The following ADAMTSL1 variants were observed in gnomAD, a reference collection of about 807,000 sequenced individuals.
ADAMTSL1 encodes ADAMTS-like protein 1.
In ADAMTSL1, 126 loss-of-function variants were observed where a neutral mutation model predicts 201.8. That is an observed-to-expected ratio of 0.62 (90% CI 0.54 to 0.72). The LOEUF is 0.72. ADAMTSL1 is among the 30% of genes least tolerant of loss of function. The probability of loss-of-function intolerance (pLI) is 0.00; values close to 1 mark genes in which losing one functional copy is unlikely to be tolerated. For synonymous variants in ADAMTSL1, 1,121 were observed against 903.4 expected, an observed-to-expected ratio of 1.24 and a Z score of -4.32; for missense variants, 2,679 against 2,277.8, an observed-to-expected ratio of 1.18 and a Z score of -3.59.
At position 18,830,104 on chromosome 9, in the gene ADAMTSL1, C is replaced by A. The variant is rs1057429269; in HGVS notation, c.4249+127C>A. ...GGCCAACAGGGAATCACTAAATTGCCTACAGAATCCAGACTCACCAGTGGA... is the reference window on the plus strand; with the variant it reads ...GGCCAACAGGGAATCACTAAATTGCATACAGAATCCAGACTCACCAGTGGA... On this transcript the variant is annotated intron_variant, in intron 23 of 28. Transcript: ENST00000380548. 5 of 1,281,440 alleles carry A rather than the reference C, an allele frequency of 3.9e-6. No homozygotes were observed. In the African/African-American group the frequency reaches 7.4e-5, roughly 19 times the overall value. The allele number at this position is 1,281,440 out of a possible 1,614,324, so 79.4% of individuals were successfully genotyped here. A position where few individuals can be genotyped will look rare whatever the true frequency, so the allele number is the denominator to read the frequency against.
intron 3 of ADAMTSL1, among the ~76,000 whole-genome samples, chr9:18,539,725 T>C (rs1158140624): frequency 6.6e-6 from 1 of 152,228 alleles, no homozygotes; most frequent in African/African-American, 2.4e-5. Flanking sequence ...TGGGATGTAG[T>C]ACAGGCACAC....
intron 1 of ADAMTSL1, among the ~76,000 whole-genome samples, chr9:17,974,944 A>G (rs1331458743): frequency 1.3e-5 from 2 of 151,820 alleles, no homozygotes; most frequent in Non-Finnish European, 2.9e-5. Context: ...ATCCTCATAC[A>G]TTTTTTCTTA....
intron 15 of ADAMTSL1, among the ~76,000 whole-genome samples, chr9:18,746,638 C>T (rs1335371639): frequency 6.6e-6 from 1 of 152,122 alleles, no homozygotes; most frequent in Non-Finnish European, 1.5e-5. Flanking sequence ...TGGGAAGGGT[C>T]TGCCATTAGA....
intron 7 of ADAMTSL1, among the ~76,000 whole-genome samples, chr9:18,639,985 CAT>C (rs1193491139): frequency 6.6e-6 from 1 of 152,070 alleles, no homozygotes; most frequent in African/African-American, 2.4e-5. Context: ...TAAAATAAAA[CAT>C]ATTTTTTCCT....
At chr9:18,225,187 T>C (rs1489455206) in intron 2 of ADAMTSL1, among the ~76,000 whole-genome samples, 1 of 152,176 alleles carries the variant, frequency 6.6e-6, no homozygotes, top group Non-Finnish European at 1.5e-5. Flanking sequence ...TGTGTTTTTC[T>C]TCTGCTTTCA....
chr9:17,969,733 G>T (rs900263134), intron 1 of ADAMTSL1, among the ~76,000 whole-genome samples: 11 of 151,882 alleles, frequency 7.2e-5, no homozygotes, highest in Non-Finnish European at 1.5e-4. Flanking sequence ...TCTTAGAGAG[G>T]ATCTTAAATA....
intron 2 of ADAMTSL1, among the ~76,000 whole-genome samples, chr9:18,283,477 A>G (rs915361540): frequency 6.6e-5 from 10 of 151,732 alleles, no homozygotes; most frequent in African/African-American, 2.4e-4. Flanking sequence ...ATGATGGTAC[A>G]CACCTGTAGT....
At chr9:18,139,919 G>A (rs1826325496) in intron 1 of ADAMTSL1, among the ~76,000 whole-genome samples, 1 of 152,130 alleles carries the variant, frequency 6.6e-6, no homozygotes, top group East Asian at 1.9e-4. Flanking sequence ...TGTCTCCAGA[G>A]ACTGATGAAA....
intron 23 of ADAMTSL1, among the ~76,000 whole-genome samples, chr9:18,856,481 T>TTTTTTTG (rs397783814): frequency 1.4e-5 from 2 of 140,748 alleles, no homozygotes; most frequent in Non-Finnish European, 3.2e-5. Flanking sequence ...TTTTTTTTTT[T>TTTTTTTG]GAGACGGAGT....
chr9:18,091,638 G>C (rs757691532), intron 1 of ADAMTSL1, among the ~76,000 whole-genome samples: 8 of 152,250 alleles, frequency 5.3e-5, no homozygotes, highest in Non-Finnish European at 1.0e-4. Context: ...CCTTGTCCAT[G>C]TCACTTAATT....
At chr9:18,277,924 G>A (rs916392934) in intron 2 of ADAMTSL1, among the ~76,000 whole-genome samples, 29 of 152,038 alleles carry the variant, frequency 1.9e-4, no homozygotes, top group African/African-American at 6.3e-4. Context: ...TAGTGGAATG[G>A]TTTAATTTCT....
At chr9:17,983,291 G>A (rs951592619) in intron 1 of ADAMTSL1, among the ~76,000 whole-genome samples, 1 of 151,734 alleles carries the variant, frequency 6.6e-6, no homozygotes, top group South Asian at 2.1e-4. Context: ...GGATGGTCTC[G>A]ATCTGTTGAC....
At chr9:18,200,353 A>G (rs142811049) in intron 2 of ADAMTSL1, among the ~76,000 whole-genome samples, 2 of 152,120 alleles carry the variant, frequency 1.3e-5, no homozygotes, top group South Asian at 2.1e-4. Context: ...CTCTTATTCT[A>G]TACTCATTTG....
intron 2 of ADAMTSL1, among the ~76,000 whole-genome samples, chr9:18,346,218 C>T (rs1835708128): frequency 6.6e-6 from 1 of 152,150 alleles, no homozygotes; most frequent in Admixed American, 6.5e-5. Flanking sequence ...GTGTTACCCC[C>T]ACTTTGTAGG....
chr9:18,180,147 C>G (rs1458453641), intron 2 of ADAMTSL1, among the ~76,000 whole-genome samples: 1 of 152,106 alleles, frequency 6.6e-6, no homozygotes, highest in Non-Finnish European at 1.5e-5. Flanking sequence ...CGTGCAGAGA[C>G]ACACATAGGC....
chr9:18,397,794 T>C (rs73643264), intron 2 of ADAMTSL1, among the ~76,000 whole-genome samples: 6,541 of 152,286 alleles, frequency 0.043, 140 homozygotes, highest in Middle Eastern at 0.092. Flanking sequence ...TTTTCTTAAC[T>C]TCTAAAGGTT....
chr9:18,165,133 A>T (rs1378223147), intron 2 of ADAMTSL1, among the ~76,000 whole-genome samples: 1 of 151,792 alleles, frequency 6.6e-6, no homozygotes, highest in African/African-American at 2.4e-5. Context: ...TCTACTGTGG[A>T]CCTACACATT....
chr9:18,746,452 G>C (rs1406013900), intron 15 of ADAMTSL1, among the ~76,000 whole-genome samples: 2 of 152,202 alleles, frequency 1.3e-5, no homozygotes, highest in Non-Finnish European at 1.5e-5. Context: ...TCACAGGACA[G>C]AAGTGTTGGG....
At chr9:17,937,450 C>T (rs1469765879) in intron 1 of ADAMTSL1, among the ~76,000 whole-genome samples, 2 of 152,052 alleles carry the variant, frequency 1.3e-5, no homozygotes, top group South Asian at 2.1e-4. Context: ...ACTTAGATCC[C>T]TGAAGGGCAA....
Sources: allele counts gnomAD v4.1 joint callset (sites outside exome capture counted in the v4.1 genomes callset), GRCh38; gene constraint gnomAD v4.1.1; transcripts MANE v1.5; gene names NCBI Gene and HGNC (gene_info 2026-07-23, HGNC 2026-07-21).